Variants in AAK1 observed in about 807,000 individuals in gnomAD.
AAK1 encodes the protein AP2-associated protein kinase 1.
AAK1 carries 37 observed loss-of-function variants against 116.0 expected under a neutral mutation model. That is an observed-to-expected ratio of 0.32 (90% CI 0.25 to 0.42). The LOEUF (loss-of-function observed/expected upper bound fraction) is 0.42, where lower values mean the gene tolerates loss of function less well. Among genes scored for constraint, AAK1 ranks in the 10% least tolerant of loss-of-function variants. AAK1 has a pLI of 1.00. For synonymous variants in AAK1, 458 were observed against 439.9 expected (o/e 1.04, Z -0.51); for missense variants, 919 against 1,170.6 (o/e 0.79, Z 3.14).
intron 2 of AAK1, among the ~76,000 whole-genome samples, chr2:69,604,022 A>G (rs1673692392): frequency 6.6e-6 from 1 of 152,206 alleles, no homozygotes; most frequent in Admixed American, 6.5e-5. Context: ...TTCCTTGCAA[A>G]AGGCAAAGAT....
intron 16 of AAK1, among the ~76,000 whole-genome samples, chr2:69,496,972 A>G (rs1001059203): frequency 2.0e-5 from 3 of 152,160 alleles, no homozygotes; most frequent in African/African-American, 7.2e-5. Context: ...GGCAAAATAT[A>G]GATTTACAGA....
chr2:69,583,215 G>A (rs1672619301), intron 2 of AAK1, among the ~76,000 whole-genome samples: 1 of 152,172 alleles, frequency 6.6e-6, no homozygotes, highest in African/African-American at 2.4e-5. Context: ...GCCACATTTT[G>A]GTGATTCTTC....
chr2:69,627,393 T>C (rs544389126), intron 2 of AAK1, among the ~76,000 whole-genome samples: 22 of 152,090 alleles, frequency 1.4e-4, no homozygotes, highest in Admixed American at 1.1e-3. Context: ...TGATACATGC[T>C]ACACGGTGAA....
At chr2:69,626,243 A>C (rs1412444525) in intron 2 of AAK1, among the ~76,000 whole-genome samples, 2 of 151,640 alleles carry the variant, frequency 1.3e-5, no homozygotes, top group Non-Finnish European at 1.5e-5. Flanking sequence ...AAATTATATT[A>C]TTATTAAAAA....
rs1283728323 is a variant in AAK1, at chr2:69,463,928, G to GGT, written c.*11939_*11940dup. On this transcript the variant is annotated 3_prime_UTR_variant, in exon 22 of 22. Coordinates refer to ENST00000409085, the MANE Select transcript of AAK1 (RefSeq NM_014911.5). Reference sequence around the variant, plus strand: ...AGCCTTCCAAAATGCTGGTATTACAGGTGTGTGGCACTGCACCTGGCCAGC... The same window carrying GGT: ...AGCCTTCCAAAATGCTGGTATTACAGGTGTGTGTGGCACTGCACCTGGCCAGC... The GGT allele has an allele frequency of 6.6e-6, 1 of 152,546 alleles. No homozygotes were observed. Among genetic ancestry groups the GGT allele is most frequent in the African/African-American group, 2.4e-5 (1 of 41,388 alleles). The allele number at this position is 152,546 out of a possible 1,614,324, so 9.4% of individuals were successfully genotyped here.
At chr2:69,486,339 G>T (rs1302959500) in intron 17 of AAK1, among the ~76,000 whole-genome samples, 1 of 152,162 alleles carries the variant, frequency 6.6e-6, no homozygotes, top group Admixed American at 6.5e-5. Flanking sequence ...TACACGTGTT[G>T]TGTGGTGAGA....
At chr2:69,486,115 C>T (rs564505581) in intron 17 of AAK1, among the ~76,000 whole-genome samples, 45 of 152,054 alleles carry the variant, frequency 3.0e-4, no homozygotes, top group African/African-American at 8.0e-4. Context: ...CCACCATGCT[C>T]GGCTAATATT....
At chr2:69,525,554 T>C (rs562476316) in intron 9 of AAK1, among the ~76,000 whole-genome samples, 3 of 152,346 alleles carry the variant, frequency 2.0e-5, no homozygotes, top group South Asian at 4.1e-4. Flanking sequence ...CAGGGTGCAC[T>C]GAGTCTGCAA....
chr2:69,568,821 C>A (rs974399660), intron 2 of AAK1, among the ~76,000 whole-genome samples: 1 of 152,158 alleles, frequency 6.6e-6, no homozygotes, highest in Non-Finnish European at 1.5e-5. Flanking sequence ...AACTTAACTT[C>A]GTGTTAAAGC....
intron 3 of AAK1, among the ~76,000 whole-genome samples, chr2:69,553,905 G>A (rs1671287258): frequency 6.7e-6 from 1 of 149,666 alleles, no homozygotes; most frequent in South Asian, 2.1e-4. Context: ...GCAAGACCTT[G>A]TCTCTAAGGA....
At chr2:69,537,139 G>A (rs1670507964) in intron 5 of AAK1, among the ~76,000 whole-genome samples, 1 of 152,206 alleles carries the variant, frequency 6.6e-6, no homozygotes, top group South Asian at 2.1e-4. Flanking sequence ...TGGTAAAGAA[G>A]AGGGCTGGCT....
At chr2:69,600,901 C>G (rs1165058328) in intron 2 of AAK1, among the ~76,000 whole-genome samples, 1 of 152,166 alleles carries the variant, frequency 6.6e-6, no homozygotes, top group East Asian at 1.9e-4. Context: ...CAACCACCCC[C>G]CTGGTCAGTC....
chr2:69,623,048 A>C (rs554925875), intron 2 of AAK1, among the ~76,000 whole-genome samples: 2 of 152,094 alleles, frequency 1.3e-5, no homozygotes, highest in African/African-American at 4.8e-5. Flanking sequence ...ACACCGTGGA[A>C]GCTTTGTTCT....
intron 2 of AAK1, among the ~76,000 whole-genome samples, chr2:69,577,458 C>A (rs1672359689): frequency 6.6e-6 from 1 of 151,874 alleles, no homozygotes; most frequent in African/African-American, 2.4e-5. Flanking sequence ...AGAATTTACT[C>A]CCCTGCTGTG....
At chr2:69,501,813 T>C (rs1316800387) in intron 16 of AAK1, among the ~76,000 whole-genome samples, 1 of 151,924 alleles carries the variant, frequency 6.6e-6, no homozygotes, top group Non-Finnish European at 1.5e-5. Context: ...CTACTAAAAA[T>C]ACAAAACATT....
intron 10 of AAK1, among the ~76,000 whole-genome samples, chr2:69,522,364 G>A (rs992685513): frequency 6.6e-6 from 1 of 152,206 alleles, no homozygotes; most frequent in Non-Finnish European, 1.5e-5. Flanking sequence ...CAGAAACTTT[G>A]CACTGGCAAC....
intron 3 of AAK1, among the ~76,000 whole-genome samples, chr2:69,551,346 T>TTAGTATG (rs1558954922): frequency 6.6e-6 from 1 of 152,134 alleles, no homozygotes; most frequent in South Asian, 2.1e-4. Flanking sequence ...TGGCACACAT[T>TTAGTATG]TACCTATGTA....
At chr2:69,622,771 C>T (rs1674710201) in intron 2 of AAK1, among the ~76,000 whole-genome samples, 2 of 152,084 alleles carry the variant, frequency 1.3e-5, no homozygotes, top group South Asian at 2.1e-4. Context: ...CAATCAGCAC[C>T]CTGTGTCTAG....
In AAK1 at chr2:69,518,940, T is replaced by A. The variant is rs1315135540; in HGVS notation, c.1497+14A>T. 2.0e-6 allele frequency: 3 copies of A among 1,531,412 alleles called. No individual in the cohort carries two copies. Among genetic ancestry groups the A allele is most frequent in the Non-Finnish European group, 1.8e-6 (2 of 1,136,394 alleles). The allele number at this position is 1,531,412 out of a possible 1,614,324, so 94.9% of individuals were successfully genotyped here. On this transcript the variant is annotated intron_variant, in intron 12 of 21. Coordinates refer to ENST00000409085, the MANE Select transcript of AAK1 (RefSeq NM_014911.5). The stretch of plus-strand genomic sequence containing the variant: ...TCAGATATGCAAGCAAGGGCCACAC[T>A]CTGACCACCTTACCTGCTGAGTCTG...
Sources: allele counts gnomAD v4.1 joint callset (sites outside exome capture counted in the v4.1 genomes callset), GRCh38; gene constraint gnomAD v4.1.1; transcripts MANE v1.5; gene names NCBI Gene and HGNC (gene_info 2026-07-23, HGNC 2026-07-21).